Variants in C16orf96 observed in about 807,000 individuals in gnomAD.
The protein encoded by C16orf96 is uncharacterized protein C16orf96.
Under a neutral mutation model 103.6 loss-of-function variants are expected in C16orf96, and 108 were observed. That is an observed-to-expected ratio of 1.04 (90% CI 0.89 to 1.22). C16orf96 has a LOEUF of 1.22. Ranked by LOEUF, C16orf96 falls within the 50% of genes most tolerant of loss-of-function variation. C16orf96 has a pLI of 0.00. For synonymous variants in C16orf96, 566 were observed against 593.5 expected, an observed-to-expected ratio of 0.95 and a Z score of 0.67; for missense variants, 1,586 against 1,464.2, an observed-to-expected ratio of 1.08 and a Z score of -1.36.
intron 9 of C16orf96, among the ~76,000 whole-genome samples, chr16:4,589,418 C>CA (rs34683174): frequency 0.14 from 20,881 of 146,568 alleles, 1,777 homozygotes; most frequent in South Asian, 0.22. Flanking sequence ...GTCCCCCTAC[C>CA]AAAAAAAAAA....
chr16:4,595,135 C>G (rs907738055), intron 14 of C16orf96, among the ~76,000 whole-genome samples: 1 of 152,152 alleles, frequency 6.6e-6, no homozygotes, highest in Non-Finnish European at 1.5e-5. Context: ...CCACGGAGGA[C>G]GGACTGGACA....
chr16:4,592,450 C>G, intron 11 of C16orf96, 83 bp downstream of exon 11: 3 of 1,434,924 alleles, frequency 2.1e-6, no homozygotes, highest in Non-Finnish European at 1.9e-6. Context: ...CCATGTGCAC[C>G]GTTCCATGCA....
Position 4,574,756 on chromosome 16 carries a change from G to C in C16orf96, c.573G>C (p.Gln191His). The C allele has an allele frequency of 6.4e-7, 1 of 1,551,866 alleles. No individual in the cohort carries two copies. Among genetic ancestry groups the C allele is most frequent in the Non-Finnish European group, 8.7e-7 (1 of 1,147,098 alleles). ...TCTTTGCTGAAGACTTCAAAATACAGAACTGGAAGATGGTTGCACTGCAGC... is the reference window on the plus strand; with the variant it reads ...TCTTTGCTGAAGACTTCAAAATACACAACTGGAAGATGGTTGCACTGCAGC... ...MDIFAEDFKIQNWKMVALQRE... is the reference protein window; with the variant it reads ...MDIFAEDFKIHNWKMVALQRE... Residue 191 changes from glutamine (Q) to histidine (H), a missense_variant, in exon 3 of 16, where the codon CAG becomes CAC. By Grantham distance (24) the Gln-to-His change is conservative (BLOSUM62 0). Transcript: ENST00000444310.
At chr16:4,574,817 C>G in intron 3 of C16orf96, 28 bp downstream of exon 3, 1 of 1,549,450 alleles carries the variant, frequency 6.5e-7, no homozygotes, top group Non-Finnish European at 8.7e-7. Flanking sequence ...TGTCTTCCCC[C>G]ACTCCCCCTG....
At chr16:4,545,430 G>A in the C16orf96 span, among the ~76,000 whole-genome samples, 1 of 152,154 alleles carries the variant, frequency 6.6e-6, no homozygotes, top group South Asian at 2.1e-4. Flanking sequence ...GAGCTCAAGC[G>A]ATCCTTGTGG....
chr16:4,562,572 ATTAC>A (rs1277473397), intron 1 of C16orf96, among the ~76,000 whole-genome samples: 1 of 151,986 alleles, frequency 6.6e-6, no homozygotes, highest in African/African-American at 2.4e-5. Context: ...TTAAGATTGT[ATTAC>A]TTGATTTTAT....
chr16:4,570,539 A>G lies in C16orf96; in HGVS notation c.421-1022A>G, dbSNP rs1053382826. Among the ~76,000 whole-genome samples the G allele has an allele frequency of 3.4e-5, 5 of 145,370 alleles. No homozygotes were observed. In the Admixed American group the frequency reaches 3.7e-4, roughly 11 times the overall value. On this transcript the variant is annotated intron_variant, in intron 1 of 15. Transcript: ENST00000444310. ...GAGTGCAGTGGTGCGATCTTGGCTC[A>G]CTGCAGCCTCTGCCTCCCAGGTTCA...
In C16orf96 at chr16:4,579,205, G is replaced by A. The variant is rs980387266; in HGVS notation, c.2241+180G>A. The stretch of plus-strand genomic sequence containing the variant: ...CTCAAAGCTGATTCACTGGTGCGGT[G>A]GGGGGGCCCAGCAGGTGTGGGGCTA... On this transcript the variant is annotated intron_variant, in intron 6 of 15. Coordinates refer to ENST00000444310, the MANE Select transcript of C16orf96 (RefSeq NM_001145011.2). 0.014 allele frequency among the ~76,000 whole-genome samples: 35 copies of A among 2,448 alleles called. No homozygotes were observed. The Non-Finnish European group carries it at 0.17, about 12-fold the overall frequency. The allele number at this position is 2,448 out of a possible 152,430, so 1.6% of individuals were successfully genotyped here.
chr16:4,595,809 C>T (rs940244948), intron 14 of C16orf96, among the ~76,000 whole-genome samples: 3 of 152,104 alleles, frequency 2.0e-5, no homozygotes, highest in East Asian at 1.9e-4. Context: ...CGGGTTCAAG[C>T]GATTCTCCTG....
chr16:4,545,868 G>T, the C16orf96 span, among the ~76,000 whole-genome samples: 1 of 151,538 alleles, frequency 6.6e-6, no homozygotes, highest in South Asian at 2.1e-4. Context: ...TCATTTTTTT[G>T]AGACAGAATC....
At position 4,556,419 on chromosome 16, in the gene C16orf96, G is replaced by A; in HGVS notation, c.-71G>A. 2.1e-6 allele frequency: 3 copies of A among 1,439,206 alleles called. No homozygotes were observed. The highest frequency in any genetic ancestry group is 2.8e-6 in the Non-Finnish European group (3 of 1,085,118). 89.2% of individuals were successfully genotyped at this position (1,439,206 alleles called of 1,614,324 possible). On this transcript the variant is annotated 5_prime_UTR_variant, in exon 1 of 16. Transcript: ENST00000444310. ...TGAGGACCAGTCCATGTAGCTCTCGGAACCACTGAAAGCTACCCCTTGTCC... is the reference window on the plus strand; with the variant it reads ...TGAGGACCAGTCCATGTAGCTCTCGAAACCACTGAAAGCTACCCCTTGTCC...
chr16:4,594,288 G>A (rs1481780052), intron 12 of C16orf96, 63 bp from the exon 13 acceptor site: 2 of 1,514,336 alleles, frequency 1.3e-6, no homozygotes, highest in Non-Finnish European at 1.8e-6. Flanking sequence ...GGCCCTTGGG[G>A]CCCGTCCTGG....
Position 4,576,132 on chromosome 16 carries a change from A to T in C16orf96, c.1652A>T (p.Glu551Val), listed in dbSNP as rs1379268172. The change falls in exon 5 of 16, where the codon GAA becomes GTA. Residue 551 changes from glutamate (E) to valine (V), a missense_variant. Physicochemically the swap from Glu to Val is moderately radical, Grantham distance 121 (BLOSUM62 -2). Coordinates refer to ENST00000444310, the MANE Select transcript of C16orf96 (RefSeq NM_001145011.2). ...DRVGKDGAPK[E>V]AQPKAPQSAL... ...GTTGGCAAGGATGGGGCCCCCAAGG[A>T]AGCACAGCCTAAGGCTCCCCAGTCT... 1 of 1,551,494 alleles carries T rather than the reference A, an allele frequency of 6.4e-7. No individual in the cohort carries two copies. Among genetic ancestry groups the T allele is most frequent in the Admixed American group, 2.0e-5 (1 of 51,004 alleles).
At chr16:4,557,302 A>G (rs1203027244) in intron 1 of C16orf96, among the ~76,000 whole-genome samples, 1 of 152,048 alleles carries the variant, frequency 6.6e-6, no homozygotes, top group Non-Finnish European at 1.5e-5. Context: ...TTACTCACCT[A>G]CGATGGGCCA....
At chr16:4,594,871 G>A (rs1897138563) in intron 14 of C16orf96, 68 bp downstream of exon 14, 3 of 1,475,528 alleles carry the variant, frequency 2.0e-6, no homozygotes, top group Non-Finnish European at 2.8e-6. Flanking sequence ...AGGGTGAGAG[G>A]GTGCAGGTGG....
chr16:4,600,651 A>G lies in C16orf96; in HGVS notation c.*334A>G. On this transcript the variant is annotated 3_prime_UTR_variant, in exon 16 of 16. Transcript: ENST00000444310. The stretch of plus-strand genomic sequence containing the variant: ...TAGAGGGGAGGGGTCTGTGTAGGGG[A>G]CCCCCATGCTGACCCAGTGGCTGTT... 2.9e-6 allele frequency: 1 copy of G among 348,188 alleles called. No homozygotes were observed. Among genetic ancestry groups the G allele is most frequent in the Non-Finnish European group, 5.4e-6 (1 of 185,788 alleles). The allele number at this position is 348,188 out of a possible 1,614,324, so 21.6% of individuals were successfully genotyped here.
chr16:4,569,819 G>A (rs141285439), intron 1 of C16orf96, among the ~76,000 whole-genome samples: 114 of 152,086 alleles, frequency 7.5e-4, no homozygotes, highest in African/African-American at 2.2e-3. Flanking sequence ...ACCAAAGCAC[G>A]CCCCTTATAG....
At chr16:4,595,962 C>T (rs2141766267) in intron 14 of C16orf96, among the ~76,000 whole-genome samples, 2 of 152,246 alleles carry the variant, frequency 1.3e-5, no homozygotes, top group Middle Eastern at 3.4e-3. Context: ...GCAAGGATTA[C>T]AGGCATGAGC....
At chr16:4,539,058 C>G in the C16orf96 span, among the ~76,000 whole-genome samples, 4 of 152,174 alleles carry the variant, frequency 2.6e-5, no homozygotes, top group Non-Finnish European at 5.9e-5. Context: ...TTCTTTTATG[C>G]GACTAATATT....
Sources: allele counts gnomAD v4.1 joint callset (sites outside exome capture counted in the v4.1 genomes callset), GRCh38; gene constraint gnomAD v4.1.1; transcripts MANE v1.5; gene names NCBI Gene and HGNC (gene_info 2026-07-23, HGNC 2026-07-21).